Variants in SCAPER observed in about 807,000 individuals in gnomAD.
SCAPER encodes S phase cyclin A-associated protein in the endoplasmic reticulum.
SCAPER carries 98 observed loss-of-function variants against 182.2 expected under a neutral mutation model. The ratio of observed to expected loss-of-function variants is 0.54; its 90% confidence interval spans 0.46 to 0.64. SCAPER has a LOEUF of 0.64. Ranked by LOEUF, SCAPER falls within the 30% of genes least tolerant of loss-of-function variation. The pLI, the probability that SCAPER is intolerant of heterozygous loss-of-function variation, is 0.00. For missense variants in SCAPER, 1,432 were observed against 1,690.0 expected (o/e 0.85, Z 2.68); for synonymous variants, 605 against 564.6 (o/e 1.07, Z -1.01).
chr15:76,585,198 GA>G (rs1388373442), intron 22 of SCAPER, among the ~76,000 whole-genome samples: 1 of 152,050 alleles, frequency 6.6e-6, no homozygotes, highest in Non-Finnish European at 1.5e-5. Flanking sequence ...AGAGCTTTGG[GA>G]GGTTAGAAAT....
intron 17 of SCAPER, among the ~76,000 whole-genome samples, chr15:76,714,573 A>G (rs2059785734): frequency 6.6e-6 from 1 of 152,006 alleles, no homozygotes; most frequent in Non-Finnish European, 1.5e-5. Context: ...TAGCAGTAGT[A>G]GTAGTAGTGA....
At chr15:76,764,226 T>G (rs2062971661) in intron 14 of SCAPER, among the ~76,000 whole-genome samples, 1 of 152,224 alleles carries the variant, frequency 6.6e-6, no homozygotes, top group African/African-American at 2.4e-5. Context: ...ACTCTTGGTT[T>G]ATATGTATGC....
chr15:76,751,279 A>C (rs559625716), intron 15 of SCAPER, among the ~76,000 whole-genome samples: 1 of 151,920 alleles, frequency 6.6e-6, no homozygotes, highest in South Asian at 2.1e-4. Context: ...AGAACACTTA[A>C]TATTGTTAAG....
chr15:76,793,387 G>A, intron 8 of SCAPER: 2 of 634,806 alleles, frequency 3.2e-6, no homozygotes, highest in Middle Eastern at 3.1e-4. Flanking sequence ...GATGGAAGCT[G>A]GTCACTGGAA....
At chr15:76,625,399 G>A (rs2052476051) in intron 21 of SCAPER, among the ~76,000 whole-genome samples, 1 of 152,186 alleles carries the variant, frequency 6.6e-6, no homozygotes, top group African/African-American at 2.4e-5. Flanking sequence ...GGTGGCTGCT[G>A]TTGGCAGGGA....
At chr15:76,747,393 T>A (rs559249908) in intron 15 of SCAPER, among the ~76,000 whole-genome samples, 1 of 151,760 alleles carries the variant, frequency 6.6e-6, no homozygotes, top group Non-Finnish European at 1.5e-5. Flanking sequence ...TCCCAGCTAC[T>A]CAGGAGGCTG....
intron 14 of SCAPER, 21 bp from the exon 15 acceptor site, chr15:76,753,969 C>G (rs1290685803): frequency 6.2e-7 from 1 of 1,608,128 alleles, no homozygotes; most frequent in Admixed American, 1.7e-5. Context: ...TGAATCATCA[C>G]ATCCTTAATT....
chr15:76,430,924 C>T (rs1045431696), intron 26 of SCAPER, among the ~76,000 whole-genome samples: 8 of 152,046 alleles, frequency 5.3e-5, no homozygotes, highest in South Asian at 4.2e-4. Context: ...GGGAGGGACC[C>T]GGTGGGAGGT....
chr15:76,806,626 T>C (rs545319261), intron 5 of SCAPER, among the ~76,000 whole-genome samples: 3 of 152,316 alleles, frequency 2.0e-5, no homozygotes, highest in African/African-American at 4.8e-5. Context: ...AATCTGGGTA[T>C]CACTTTGGGA....
intron 24 of SCAPER, among the ~76,000 whole-genome samples, chr15:76,478,570 G>T (rs999310519): frequency 6.6e-6 from 1 of 151,996 alleles, no homozygotes; most frequent in African/African-American, 2.4e-5. Context: ...ACTGTGTATG[G>T]TAATTTTATG....
At chr15:76,757,984 C>G (rs2151223174) in intron 14 of SCAPER, among the ~76,000 whole-genome samples, 1 of 152,194 alleles carries the variant, frequency 6.6e-6, no homozygotes, top group African/African-American at 2.4e-5. Flanking sequence ...GTGAGTACTT[C>G]AAATATTTTA....
chr15:76,656,262 G>A (rs1456342042), intron 21 of SCAPER, among the ~76,000 whole-genome samples: 1 of 151,882 alleles, frequency 6.6e-6, no homozygotes, highest in Non-Finnish European at 1.5e-5. Flanking sequence ...CGTAATTCCA[G>A]AAAAAAATAG....
At chr15:76,696,404 C>T (rs1233878209) in intron 20 of SCAPER, among the ~76,000 whole-genome samples, 1 of 152,094 alleles carries the variant, frequency 6.6e-6, no homozygotes, top group African/African-American at 2.4e-5. Flanking sequence ...TTGTAAACAT[C>T]CAATAAATTA....
At chr15:76,455,033 T>A (rs576712157) in intron 25 of SCAPER, among the ~76,000 whole-genome samples, 2 of 152,318 alleles carry the variant, frequency 1.3e-5, no homozygotes, top group African/African-American at 4.8e-5. Flanking sequence ...TAATTATTCC[T>A]CAACCTGTAG....
intron 25 of SCAPER, among the ~76,000 whole-genome samples, chr15:76,441,325 G>A (rs1340973906): frequency 1.3e-5 from 2 of 152,034 alleles, no homozygotes; most frequent in African/African-American, 4.8e-5. Context: ...TTATGCCTTT[G>A]AGCCTATATT....
intron 21 of SCAPER, among the ~76,000 whole-genome samples, chr15:76,640,680 C>T (rs2054028780): frequency 6.6e-6 from 1 of 152,156 alleles, no homozygotes; most frequent in Admixed American, 6.5e-5. Context: ...CAAGCTATGA[C>T]TGTTATGGTT....
At chr15:76,420,495 C>A (rs2045952691) in intron 26 of SCAPER, among the ~76,000 whole-genome samples, 2 of 151,996 alleles carry the variant, frequency 1.3e-5, no homozygotes, top group South Asian at 4.1e-4. Context: ...TATTTCCATA[C>A]ATTAATAGTG....
chr15:76,358,378 A>G (rs1400024995), intron 29 of SCAPER, among the ~76,000 whole-genome samples: 1 of 152,264 alleles, frequency 6.6e-6, no homozygotes, highest in Non-Finnish European at 1.5e-5. Context: ...TATAGATTCA[A>G]TACAAAACTA....
Position 76,702,990 on chromosome 15 carries a change from T to A in SCAPER, c.2260A>T (p.Ile754Phe), listed in dbSNP as rs764287009. 6.4e-6 allele frequency: 10 copies of A among 1,574,676 alleles called. 1 individual carries two copies. In the South Asian group the frequency reaches 9.7e-5, roughly 15 times the overall value. The change falls in exon 19 of 32, where the codon ATT (isoleucine) becomes TTT (phenylalanine). Residue 754 changes from isoleucine (I) to phenylalanine (F), a missense_variant. Around this residue, in one of 5 missense-constraint regions of SCAPER, gnomAD observed 718 missense variants for 799.7 expected, o/e 0.90. Coordinates refer to ENST00000563290, the MANE Select transcript of SCAPER (RefSeq NM_020843.4). ...KKIQLKHDES[I>F]RRHMEQIEQR... Reference sequence around the variant, plus strand: ...TCAATCTGTTCCATGTGCCTTCGAATACTTTCATCATGCTGTAGATGAAGT... The same window carrying A: ...TCAATCTGTTCCATGTGCCTTCGAAAACTTTCATCATGCTGTAGATGAAGT...
Sources: allele counts gnomAD v4.1 joint callset (sites outside exome capture counted in the v4.1 genomes callset), GRCh38; gene constraint gnomAD v4.1.1; regional missense constraint gnomAD v4.1.1; transcripts MANE v1.5; gene names NCBI Gene and HGNC (gene_info 2026-07-23, HGNC 2026-07-21).